PPP6R2: variants seen among roughly 807,000 people sequenced by gnomAD.
PPP6R2 encodes serine/threonine-protein phosphatase 6 regulatory subunit 2.
A neutral mutation model predicts 100.2 loss-of-function variants in PPP6R2; 62 were observed. The ratio of observed to expected loss-of-function variants is 0.62; its 90% CI spans 0.50 to 0.76. The LOEUF is 0.76. PPP6R2 is among the 30% of genes least tolerant of loss of function. The pLI, the probability that PPP6R2 is intolerant of heterozygous loss-of-function variation, is 0.00. For synonymous variants in PPP6R2, 525 were observed against 514.7 expected, an observed-to-expected ratio of 1.02 and a Z score of -0.27; for missense variants, 1,142 against 1,276.3, an observed-to-expected ratio of 0.89 and a Z score of 1.60.
At chr22:50,358,990 GCCC>G (rs56089347) in intron 1 of PPP6R2, among the ~76,000 whole-genome samples, 1,120 of 42,618 alleles carry the variant, frequency 0.026, 31 homozygotes, top group Non-Finnish European at 0.037. Context: ...TAAAAGAACC[GCCC>G]CCCCCCCCCC....
At chr22:50,414,132 C>T (rs2060151950) in intron 4 of PPP6R2, among the ~76,000 whole-genome samples, 1 of 152,202 alleles carries the variant, frequency 6.6e-6, no homozygotes, top group South Asian at 2.1e-4. Context: ...GCACTCTGTG[C>T]TCCCTGGATG....
intron 4 of PPP6R2, among the ~76,000 whole-genome samples, chr22:50,413,045 C>T (rs959669672): frequency 1.3e-5 from 2 of 150,806 alleles, no homozygotes; most frequent in Non-Finnish European, 2.9e-5. Flanking sequence ...ACCGCAATCT[C>T]CGCCTCCCAG....
chr22:50,390,149 G>A (rs1490569318), intron 2 of PPP6R2, among the ~76,000 whole-genome samples: 1 of 151,384 alleles, frequency 6.6e-6, no homozygotes, highest in African/African-American at 2.4e-5. Flanking sequence ...CCACCACCAC[G>A]CCCATCTGAT....
chr22:50,379,634 T>C (rs1038654365), intron 2 of PPP6R2, among the ~76,000 whole-genome samples: 5 of 152,178 alleles, frequency 3.3e-5, no homozygotes, highest in Admixed American at 2.0e-4. Flanking sequence ...GGCTCCTGCC[T>C]GTAATTCCAG....
intron 4 of PPP6R2, among the ~76,000 whole-genome samples, chr22:50,412,201 C>G (rs1038626219): frequency 2.0e-5 from 3 of 151,614 alleles, no homozygotes; most frequent in Non-Finnish European, 4.4e-5. Context: ...GTTATTTTTT[C>G]TTTTTTTGGA....
chr22:50,357,866 C>T (rs1026302576), intron 1 of PPP6R2, among the ~76,000 whole-genome samples: 17 of 151,876 alleles, frequency 1.1e-4, no homozygotes, highest in African/African-American at 3.1e-4. Flanking sequence ...CCTCGTGATT[C>T]GTCCTCCTTG....
chr22:50,416,871 A>G (rs553442235), intron 6 of PPP6R2, among the ~76,000 whole-genome samples: 1 of 151,806 alleles, frequency 6.6e-6, no homozygotes, highest in African/African-American at 2.4e-5. Flanking sequence ...CACAAGAATC[A>G]CTTGAACCCA....
intron 2 of PPP6R2, among the ~76,000 whole-genome samples, chr22:50,381,781 T>C (rs1011207800): frequency 6.6e-6 from 1 of 151,374 alleles, no homozygotes; most frequent in Non-Finnish European, 1.5e-5. Flanking sequence ...GGTGGCGGGC[T>C]CCCGTAGTCC....
Position 50,431,281 on chromosome 22 carries a change from G to T in PPP6R2, c.1234G>T (p.Gly412Ter). The T allele has an allele frequency of 1.9e-6, 3 of 1,613,546 alleles. No homozygotes were observed. Among genetic ancestry groups the T allele is most frequent in the Non-Finnish European group, 2.5e-6 (3 of 1,180,020 alleles). ...CCGTGAGGAGAGGACAGAAGCCAGC[G>T]GATCCGAGAGCAGGGTGGAGCCTCC... Reference protein sequence around the residue: ...AAREERTEASGSESRVEPPHE... With the variant: ...AAREERTEAS The change falls in exon 11 of 24, where the codon GGA (glycine) becomes TGA (stop). Residue 412 changes from glycine (G) to a stop codon, truncating the protein, a stop_gained. Transcript: ENST00000612753. LOFTEE classifies it high-confidence loss of function. This position sits in a 1 kb window ranked among gnomAD's most constrained non-coding sequence, Gnocchi z 4.8.
At chr22:50,392,261 G>A (rs1458674002) in intron 2 of PPP6R2, among the ~76,000 whole-genome samples, 1 of 151,826 alleles carries the variant, frequency 6.6e-6, no homozygotes, top group Admixed American at 6.6e-5. Flanking sequence ...CAGCACTTTG[G>A]GAGGCCAAGG....
rs1331538413 is a variant in PPP6R2, at chr22:50,440,694, C to G, written c.2375-128C>G. 3 of 1,086,378 alleles carry G rather than the reference C, an allele frequency of 2.8e-6. No individual in the cohort carries two copies. In the East Asian group the frequency reaches 7.2e-5, roughly 26 times the overall value. The allele number at this position is 1,086,378 out of a possible 1,614,324, so 67.3% of individuals were successfully genotyped here. A position where few individuals can be genotyped will look rare whatever the true frequency, so the allele number is the denominator to read the frequency against. On this transcript the variant is annotated intron_variant, in intron 21 of 23. Coordinates refer to ENST00000612753, the MANE Select transcript of PPP6R2 (RefSeq NM_001242898.2). ...TCTGCCTCATCATGCGGCTCCCACA[C>G]AGGCACATGTGTGCAGGCAACAGGC...
At chr22:50,334,554 C>G in the PPP6R2 span, among the ~76,000 whole-genome samples, 4 of 152,172 alleles carry the variant, frequency 2.6e-5, no homozygotes, top group Admixed American at 2.6e-4. Flanking sequence ...TATACTGGAA[C>G]AGCTTGTTTC....
intron 2 of PPP6R2, among the ~76,000 whole-genome samples, chr22:50,390,641 G>C (rs898426077): frequency 2.0e-5 from 3 of 151,698 alleles, no homozygotes; most frequent in Middle Eastern, 3.4e-3. Flanking sequence ...CCTGGGCAAT[G>C]AGAGTGAAAC....
rs1254333827 is a variant in PPP6R2 at position 50,432,129 on chromosome 22, C to A, written c.1336-136C>A. ...GAGGACCGCGGAGGCTGGGGCTGTG[C>A]GTGCGCAGCAGTCAGGGCCTGCAAA... On this transcript the variant is annotated intron_variant, in intron 11 of 23. Transcript: ENST00000612753. 6 of 753,876 alleles carry A rather than the reference C, an allele frequency of 8.0e-6. No individual in the cohort carries two copies. In the African/African-American group the frequency reaches 8.7e-5, roughly 11 times the overall value. 46.7% of individuals were successfully genotyped at this position (753,876 alleles called of 1,614,324 possible).
At chr22:50,352,640 G>A (rs993864922) in intron 1 of PPP6R2, among the ~76,000 whole-genome samples, 1 of 151,844 alleles carries the variant, frequency 6.6e-6, no homozygotes, top group African/African-American at 2.4e-5. Context: ...CACAAGAATT[G>A]CTTGAACCAA....
At chr22:50,441,937 C>T (rs1457460730) in intron 22 of PPP6R2, among the ~76,000 whole-genome samples, 2 of 152,132 alleles carry the variant, frequency 1.3e-5, no homozygotes, top group Non-Finnish European at 2.9e-5. Flanking sequence ...AGGGCGCACC[C>T]AGCAACGGCA....
chr22:50,368,582 GT>G (rs2049267264), intron 1 of PPP6R2, among the ~76,000 whole-genome samples: 2 of 152,052 alleles, frequency 1.3e-5, no homozygotes, highest in Non-Finnish European at 2.9e-5. Flanking sequence ...TCTATTTCTA[GT>G]ATAACTATTC....
upstream of PPP6R2, among the ~76,000 whole-genome samples, chr22:50,339,720 G>A (rs1376117324): frequency 2.9e-5 from 4 of 139,906 alleles, no homozygotes. Context: ...TGTGTGTAGG[G>A]TGTGTGTTGT....
intron 1 of PPP6R2, among the ~76,000 whole-genome samples, chr22:50,362,551 G>A (rs2048001781): frequency 6.6e-6 from 1 of 152,166 alleles, no homozygotes; most frequent in Non-Finnish European, 1.5e-5. Context: ...TTAGTTGGTG[G>A]AAGGGCTCAA....
Sources: gnomAD v4.1 joint callset for allele counts (sites outside exome capture counted in the v4.1 genomes callset) on GRCh38, gnomAD v4.1.1 for gene constraint, Gnocchi (gnomAD v3.1) non-coding constraint, MANE v1.5 for transcripts, NCBI Gene and HGNC (gene_info 2026-07-23, HGNC 2026-07-21) for gene names.